Variants in PICALM observed in about 807,000 individuals in gnomAD.
PICALM encodes phosphatidylinositol-binding clathrin assembly protein.
Under a neutral mutation model 80.5 loss-of-function variants are expected in PICALM, and 40 were observed. The observed-to-expected ratio is 0.50, with a 90% confidence interval of 0.39 to 0.65. The LOEUF is 0.65. Ranked by LOEUF, PICALM falls within the 30% of genes least tolerant of loss-of-function variation. PICALM has a pLI of 0.00. For missense variants in PICALM, 676 were observed against 778.9 expected (o/e 0.87, Z 1.57); for synonymous variants, 288 against 260.3 (o/e 1.11, Z -1.02).
chr11:86,042,255 T>C (rs1363306166), intron 1 of PICALM, among the ~76,000 whole-genome samples: 1 of 152,168 alleles, frequency 6.6e-6, no homozygotes, highest in Non-Finnish European at 1.5e-5. Context: ...TAAGGATTAC[T>C]GTAAGGGATG....
intron 1 of PICALM, among the ~76,000 whole-genome samples, chr11:86,066,307 T>C (rs182002931): frequency 1.3e-5 from 2 of 152,266 alleles, no homozygotes; most frequent in Non-Finnish European, 2.9e-5. Context: ...GTAGGGAAAA[T>C]AGTATCCCTG....
At chr11:86,018,991 C>G (rs1464672300) in intron 4 of PICALM, among the ~76,000 whole-genome samples, 1 of 151,944 alleles carries the variant, frequency 6.6e-6, no homozygotes, top group African/African-American at 2.4e-5. Context: ...AGAATCTGAT[C>G]CAATTTTTAT....
At chr11:86,035,175 A>G (rs1041480262) in intron 1 of PICALM, among the ~76,000 whole-genome samples, 2 of 152,150 alleles carry the variant, frequency 1.3e-5, no homozygotes, top group African/African-American at 4.8e-5. Context: ...GCAGTTACCA[A>G]ATGGTTTCAT....
chr11:86,001,973 G>A (rs986018061), intron 9 of PICALM, among the ~76,000 whole-genome samples: 1 of 152,114 alleles, frequency 6.6e-6, no homozygotes, highest in Non-Finnish European at 1.5e-5. Context: ...TCTTAAGCAC[G>A]TAAAGTGGTA....
chr11:85,978,961 A>G (rs536144913), intron 17 of PICALM, among the ~76,000 whole-genome samples: 8 of 152,156 alleles, frequency 5.3e-5, no homozygotes, highest in African/African-American at 1.7e-4. Flanking sequence ...CTAAACTCCT[A>G]CCATACCCTA....
At position 86,069,044 on chromosome 11, in the gene PICALM, C is replaced by T; in HGVS notation, c.-264G>A. On this transcript the variant is annotated 5_prime_UTR_variant, in exon 1 of 20. Transcript: ENST00000393346. ...CCACCCCTTCCCGGGTCAGCTGGAG[C>T]CGGGCAGGGTAAGAGGAACAGGCAG... 1 of 446,346 alleles carries T rather than the reference C, an allele frequency of 2.2e-6. No homozygotes were observed. The highest frequency in any genetic ancestry group is 4.0e-6 in the Non-Finnish European group (1 of 247,078). 27.6% of individuals were successfully genotyped at this position (446,346 alleles called of 1,614,324 possible).
At chr11:86,042,091 C>A (rs1198980262) in intron 1 of PICALM, among the ~76,000 whole-genome samples, 1 of 152,120 alleles carries the variant, frequency 6.6e-6, no homozygotes, top group African/African-American at 2.4e-5. Flanking sequence ...GCAGACTGTA[C>A]AGAGGAACAA....
chr11:86,021,704 A>T (rs1464545247), intron 4 of PICALM, among the ~76,000 whole-genome samples: 2 of 152,204 alleles, frequency 1.3e-5, no homozygotes, highest in African/African-American at 2.4e-5. Context: ...GAAGAGAATT[A>T]AAAAGATAAT....
At chr11:86,048,901 C>A (rs2096126762) in intron 1 of PICALM, among the ~76,000 whole-genome samples, 1 of 150,794 alleles carries the variant, frequency 6.6e-6, no homozygotes, top group South Asian at 2.1e-4. Flanking sequence ...CATTAAACAG[C>A]TGGTTTTACT....
intron 8 of PICALM, among the ~76,000 whole-genome samples, chr11:86,005,548 TA>T (rs1467905964): frequency 6.6e-6 from 1 of 151,678 alleles, no homozygotes; most frequent in Admixed American, 6.6e-5. Flanking sequence ...CACAAAAAAA[TA>T]AAAAAATTAG....
intron 3 of PICALM, 50 bp from the exon 4 acceptor site, chr11:86,022,519 A>C: frequency 1.0e-6 from 1 of 978,380 alleles, no homozygotes; most frequent in Non-Finnish European, 1.5e-6. Flanking sequence ...ACAAGTTTTT[A>C]TAAATGACTA....
chr11:85,965,802 A>ATTTTTTTTTTTTTTTTT (rs1202220050), intron 19 of PICALM, among the ~76,000 whole-genome samples: 1 of 105,754 alleles, frequency 9.5e-6, no homozygotes, highest in African/African-American at 3.6e-5. Context: ...TGCATTACCC[A>ATTTTTTTTTTTTTTTTT]TTTTGTTTTT....
chr11:86,001,381 G>A (rs917267779), intron 9 of PICALM, among the ~76,000 whole-genome samples: 2 of 152,186 alleles, frequency 1.3e-5, no homozygotes, highest in Admixed American at 6.5e-5. Flanking sequence ...TGCTTTCAGA[G>A]TAAGTGTTTG....
chr11:86,043,841 A>G (rs945860781), intron 1 of PICALM, among the ~76,000 whole-genome samples: 9 of 152,292 alleles, frequency 5.9e-5, no homozygotes, highest in Admixed American at 5.9e-4. Context: ...TCTCTTAAAA[A>G]TTTTTAAATT....
chr11:86,067,385 C>T (rs1404401977), intron 1 of PICALM, among the ~76,000 whole-genome samples: 4 of 152,150 alleles, frequency 2.6e-5, no homozygotes, highest in Admixed American at 2.6e-4. Flanking sequence ...CTATTTTTCC[C>T]TGAAAAGTTT....
chr11:85,960,375 G>T (rs554870525), intron 19 of PICALM, among the ~76,000 whole-genome samples: 10 of 152,116 alleles, frequency 6.6e-5, no homozygotes, highest in Non-Finnish European at 1.3e-4. Flanking sequence ...CCTTCTAATC[G>T]AAAGGGCTTA....
chr11:85,963,163 T>C (rs1298317775), intron 19 of PICALM, among the ~76,000 whole-genome samples: 1 of 152,140 alleles, frequency 6.6e-6, no homozygotes, highest in Non-Finnish European at 1.5e-5. Flanking sequence ...GTTAAAGTAC[T>C]AGAGGATAAA....
intron 1 of PICALM, among the ~76,000 whole-genome samples, chr11:86,067,026 TGAAA>T (rs550504368): frequency 3.8e-4 from 58 of 152,374 alleles, no homozygotes; most frequent in Non-Finnish European, 6.9e-4. Context: ...CATGCATATC[TGAAA>T]GAATCAAGCA....
chr11:86,014,444 G>C (rs1468263557), intron 5 of PICALM, among the ~76,000 whole-genome samples: 1 of 152,158 alleles, frequency 6.6e-6, no homozygotes, highest in African/African-American at 2.4e-5. Context: ...TTGGGCAATA[G>C]CTACATAATA....
Sources: allele counts gnomAD v4.1 joint callset (sites outside exome capture counted in the v4.1 genomes callset), GRCh38; gene constraint gnomAD v4.1.1; transcripts MANE v1.5; gene names NCBI Gene and HGNC (gene_info 2026-07-23, HGNC 2026-07-21).